The following GALNT13 variants were observed in gnomAD, a reference collection of about 807,000 sequenced individuals.
GALNT13 encodes polypeptide N-acetylgalactosaminyltransferase 13.
A neutral mutation model predicts 64.2 loss-of-function variants in GALNT13; 28 were observed. That is an observed-to-expected ratio of 0.44 (90% CI 0.32 to 0.60). The LOEUF is 0.60. Among genes scored for constraint, GALNT13 ranks in the 20% least tolerant of loss-of-function variants. GALNT13 has a pLI of 0.05. For missense variants in GALNT13, 577 were observed against 669.8 expected, an observed-to-expected ratio of 0.86 and a Z score of 1.53; for synonymous variants, 214 against 224.6, an observed-to-expected ratio of 0.95 and a Z score of 0.42.
At chr2:153,478,030 A>T in the GALNT13 span, 1 of 584,948 alleles carries the variant, frequency 1.7e-6, no homozygotes, top group East Asian at 2.8e-5. Context: ...CTGAGTTCAG[A>T]GTCTGGGCGC....
chr2:153,952,274 A>G (rs1014962007), intron 3 of GALNT13, among the ~76,000 whole-genome samples: 2 of 152,174 alleles, frequency 1.3e-5, no homozygotes, highest in African/African-American at 2.4e-5. Context: ...GCGTTATGAC[A>G]TAGTGGATCC....
At chr2:154,173,719 A>G (rs1685492753) in intron 4 of GALNT13, among the ~76,000 whole-genome samples, 1 of 152,086 alleles carries the variant, frequency 6.6e-6, no homozygotes, top group African/African-American at 2.4e-5. Context: ...ATTATCTGAC[A>G]AAAGGTCTGA....
chr2:153,129,186 A>C, the GALNT13 span, among the ~76,000 whole-genome samples: 2 of 152,264 alleles, frequency 1.3e-5, no homozygotes, highest in East Asian at 1.9e-4. Flanking sequence ...TTCAAATAGC[A>C]GTTCTACTTA....
At chr2:153,630,811 T>TTTATTTA in the GALNT13 span, among the ~76,000 whole-genome samples, 2 of 25,834 alleles carry the variant, frequency 7.7e-5, no homozygotes, top group African/African-American at 1.2e-4. Flanking sequence ...ATATATATTT[T>TTTATTTA]TTTTTTTTTT....
chr2:153,959,278 CA>C (rs770857510), intron 3 of GALNT13, among the ~76,000 whole-genome samples: 2 of 152,090 alleles, frequency 1.3e-5, no homozygotes, highest in East Asian at 1.9e-4. Context: ...TGGGGGCAAT[CA>C]GGGGGCAGCC....
chr2:153,650,480 G>A, the GALNT13 span, among the ~76,000 whole-genome samples: 3 of 152,122 alleles, frequency 2.0e-5, no homozygotes, highest in Admixed American at 1.3e-4. Context: ...GGTTAATATT[G>A]TTATGTGTGA....
At chr2:153,419,431 C>T in the GALNT13 span, among the ~76,000 whole-genome samples, 1 of 152,094 alleles carries the variant, frequency 6.6e-6, no homozygotes, top group South Asian at 2.1e-4. Context: ...CTGAAAAAGG[C>T]CAGTCTCAAA....
the GALNT13 span, among the ~76,000 whole-genome samples, chr2:153,084,525 T>A: frequency 2.0e-5 from 3 of 152,178 alleles, no homozygotes; most frequent in African/African-American, 7.2e-5. Flanking sequence ...TTGTAGTAAT[T>A]TCCACATGTC....
chr2:153,539,218 T>C, the GALNT13 span, among the ~76,000 whole-genome samples: 225 of 152,278 alleles, frequency 1.5e-3, 1 homozygote, highest in African/African-American at 4.9e-3. Context: ...TCATGTCCTT[T>C]GCCCAGTTTC....
At chr2:154,445,267 A>G (rs1312692968) in intron 12 of GALNT13, among the ~76,000 whole-genome samples, 2 of 151,920 alleles carry the variant, frequency 1.3e-5, no homozygotes, top group African/African-American at 4.8e-5. Flanking sequence ...TTTTTAATGA[A>G]AATTCTATAT....
chr2:153,767,724 T>A, the GALNT13 span, among the ~76,000 whole-genome samples: 1 of 152,182 alleles, frequency 6.6e-6, no homozygotes, highest in Non-Finnish European at 1.5e-5. Context: ...TATTTTTATA[T>A]GTTTGTTAGC....
At chr2:154,178,611 C>G (rs546532789) in intron 4 of GALNT13, among the ~76,000 whole-genome samples, 1 of 152,258 alleles carries the variant, frequency 6.6e-6, no homozygotes. Flanking sequence ...AATCTGCACA[C>G]GGAGTTGGTC....
the GALNT13 span, among the ~76,000 whole-genome samples, chr2:153,201,147 G>A: frequency 2.6e-5 from 4 of 152,160 alleles, no homozygotes; most frequent in African/African-American, 7.2e-5. Context: ...GCATCTGTGT[G>A]TCACCATCTG....
chr2:153,764,321 G>A, the GALNT13 span, among the ~76,000 whole-genome samples: 1 of 152,162 alleles, frequency 6.6e-6, no homozygotes, highest in Non-Finnish European at 1.5e-5. Context: ...CAGATCTCCT[G>A]AGATTAGGAG....
chr2:153,945,321 C>G (rs1314847739), intron 3 of GALNT13, among the ~76,000 whole-genome samples: 1 of 151,962 alleles, frequency 6.6e-6, no homozygotes, highest in African/African-American at 2.4e-5. Context: ...TGAAGTTATT[C>G]CAGTTTTCTC....
chr2:154,161,939 C>T (rs896074964), intron 4 of GALNT13, among the ~76,000 whole-genome samples: 2 of 152,046 alleles, frequency 1.3e-5, no homozygotes, highest in African/African-American at 2.4e-5. Context: ...CGCCACCACA[C>T]CCAGCTAATT....
intron 8 of GALNT13, among the ~76,000 whole-genome samples, chr2:154,269,572 T>C (rs538659141): frequency 6.6e-6 from 1 of 151,936 alleles, no homozygotes; most frequent in South Asian, 2.1e-4. Context: ...AAAAATCCTA[T>C]GAAATCATAA....
At chr2:153,313,402 A>G in the GALNT13 span, among the ~76,000 whole-genome samples, 1 of 152,208 alleles carries the variant, frequency 6.6e-6, no homozygotes, top group Non-Finnish European at 1.5e-5. Context: ...TTGCAGGGAT[A>G]TGGATGGAGC....
At chr2:154,281,568 G>A (rs939956914) in intron 8 of GALNT13, among the ~76,000 whole-genome samples, 3 of 152,136 alleles carry the variant, frequency 2.0e-5, no homozygotes, top group Non-Finnish European at 4.4e-5. Flanking sequence ...ATTAGGAAAT[G>A]TTGGCATGAG....
Sources: gnomAD v4.1 joint callset for allele counts (sites outside exome capture counted in the v4.1 genomes callset) on GRCh38, gnomAD v4.1.1 for gene constraint, MANE v1.5 for transcripts, NCBI Gene and HGNC (gene_info 2026-07-23, HGNC 2026-07-21) for gene names.